NABP2: variants seen among roughly 807,000 people sequenced by gnomAD.
The protein encoded by NABP2 is SOSS complex subunit B1.
NABP2 carries 7 observed loss-of-function variants against 22.7 expected under a neutral mutation model. The observed-to-expected ratio is 0.31, with a 90% CI of 0.18 to 0.58. NABP2 has a LOEUF of 0.58. Ranked by LOEUF, NABP2 falls within the 20% of genes least tolerant of loss-of-function variation. The pLI is 0.89. For synonymous variants in NABP2, 107 were observed against 99.2 expected (o/e 1.08, Z -0.47); for missense variants, 188 against 265.9 (o/e 0.71, Z 2.04).
chr12:56,227,503 G>A (rs945553953), intron 6 of NABP2, among the ~76,000 whole-genome samples: 10 of 152,130 alleles, frequency 6.6e-5, no homozygotes, highest in Admixed American at 5.9e-4. Context: ...ACTATTTGCC[G>A]TGGAATAAAA....
chr12:56,229,177 T>A lies in NABP2; in HGVS notation c.600T>A (p.Ser200Arg), dbSNP rs772979242. Residue 200 changes from serine (S) to arginine (R), a missense_variant, in exon 7 of 7, where the codon AGT becomes AGA. Ser to Arg is a moderately radical substitution (Grantham distance 110, BLOSUM62 -1). Transcript: ENST00000267023. ...CTGGCCCTTCCAGCAACCCTGTTAG[T>A]AACGGCAAAGAAACCCGGAGGAGCA... is the stretch of plus-strand genomic sequence containing the variant. ...GPPGPSSNPV[S>R]NGKETRRSSK... is the part of the protein sequence containing the mutation. 6.2e-7 allele frequency: 1 copy of A among 1,609,258 alleles called. No homozygotes were observed. The highest frequency in any genetic ancestry group is 8.5e-7 in the Non-Finnish European group (1 of 1,178,824).
intron 1 of NABP2, 24 bp from the exon 2 acceptor site, chr12:56,224,810 C>T (rs1415324400): frequency 1.3e-6 from 2 of 1,594,184 alleles, no homozygotes; most frequent in Non-Finnish European, 1.7e-6. Flanking sequence ...AGCATTGAGC[C>T]TTCATCCTCT....
upstream of NABP2, chr12:56,223,643 T>TC (rs1167204300): frequency 6.6e-6 from 1 of 152,102 alleles, no homozygotes; most frequent in Non-Finnish European, 1.5e-5. Context: ...ATGCCACTTT[T>TC]CCCAGAGACC....
chr12:56,226,482 G>A, intron 6 of NABP2, 63 bp downstream of exon 6: 5 of 1,363,186 alleles, frequency 3.7e-6, no homozygotes, highest in Non-Finnish European at 5.1e-6. Context: ...AGCCTAGAAA[G>A]ATGCATTTCC....
chr12:56,229,742 AAAGAAAG>A lies in NABP2; in HGVS notation c.*532_*538del, dbSNP rs879732070. ...AGAGCGAAACTCCATCTCAAAAAAA[AAAGAAAG>A]AAAGAAAGAAAGAAAGAAAGAAATG... On this transcript the variant is annotated 3_prime_UTR_variant, in exon 7 of 7. Transcript: ENST00000267023. 0.068 allele frequency: 1,439 copies of A among 21,016 alleles called. 10 individuals are homozygous for A. Among genetic ancestry groups the A allele is most frequent in the Non-Finnish European group, 0.29 (837 of 2,838 alleles). The allele number at this position is 21,016 out of a possible 1,614,324, so 1.3% of individuals were successfully genotyped here.
chr12:56,226,412 C>G lies in NABP2; in HGVS notation c.429C>G (p.Ala143=), dbSNP rs771214078. Residue 143 remains alanine, a synonymous_variant, in exon 6 of 7, where the codon GCC becomes GCG. Transcript: ENST00000267023. ...AGCCTACCACTGGACCCTCTGCTGC[C>G]TCTCCAGGTAAATCTGTTCCCTTCT... ...ASQPTTGPSA[A]SPASENQNGN... 6.2e-7 allele frequency: 1 copy of G among 1,613,146 alleles called. No homozygotes were observed. The highest frequency in any genetic ancestry group is 1.1e-5 in the South Asian group (1 of 91,028).
intron 6 of NABP2, 138 bp downstream of exon 6, chr12:56,226,557 CTTTTTTTTTT>C (rs10676451): frequency 4.4e-5 from 12 of 271,922 alleles, no homozygotes; most frequent in Non-Finnish European, 6.4e-5. Context: ...TCCCAGACCC[CTTTTTTTTTT>C]TTTTTTTTTT....
At position 56,224,921 on chromosome 12, in the gene NABP2, T is replaced by C. The variant is rs1869690726; in HGVS notation, c.65T>C (p.Ile22Thr). 1 of 1,611,772 alleles carries C rather than the reference T, an allele frequency of 6.2e-7. No individual in the cohort carries two copies. Among genetic ancestry groups the C allele is most frequent in the African/African-American group, 1.3e-5 (1 of 74,790 alleles). The change falls in exon 2 of 7, where the codon ATT (isoleucine) becomes ACT (threonine). Residue 22 changes from isoleucine to threonine, a missense_variant. By Grantham distance (89) the Ile-to-Thr change is moderately conservative. Transcript: ENST00000267023. ...CTCAAGAATCTGAACCTTATCTTCATTGTGCTGGAGACAGGTGTCTATACT... is the reference window on the plus strand; with the variant it reads ...CTCAAGAATCTGAACCTTATCTTCACTGTGCTGGAGACAGGTGTCTATACT... ...PGLKNLNLIF[I>T]VLETGRVTKT...
chr12:56,226,263 G>A lies in NABP2; in HGVS notation c.372+3G>A, dbSNP rs116192550. On this transcript the variant is annotated splice_donor_region_variant and intron_variant, in intron 5 of 6. Transcript: ENST00000267023. ...CCCAGCAGGCACCCAACAAGGCGGT[G>A]AGTCCTGTGGCCACAATGGTGGGAA... 5.9e-4 allele frequency: 958 copies of A among 1,614,164 alleles called. 5 individuals are homozygous for A. In the African/African-American group the frequency reaches 0.011, roughly 19 times the overall value.
At chr12:56,222,394 G>GT (rs1162772852), upstream of NABP2, among the ~76,000 whole-genome samples, 1 of 152,202 alleles carries the variant, frequency 6.6e-6, no homozygotes, top group Non-Finnish European at 1.5e-5. Context: ...GGGGTGGGGA[G>GT]TGAGGGAGTC....
upstream of NABP2, among the ~76,000 whole-genome samples, chr12:56,222,671 A>G (rs1869551199): frequency 6.6e-6 from 1 of 152,194 alleles, no homozygotes; most frequent in Admixed American, 6.5e-5. Flanking sequence ...GTGAGCAGAT[A>G]AGGGATTAAT....
At chr12:56,224,737 C>T in intron 1 of NABP2, 97 bp from the exon 2 acceptor site, 1 of 1,144,370 alleles carries the variant, frequency 8.7e-7, no homozygotes, top group Non-Finnish European at 1.3e-6. Context: ...GTTGAGGCTG[C>T]CTGACCCCAG....
At chr12:56,227,898 T>A (rs1448073941) in intron 6 of NABP2, among the ~76,000 whole-genome samples, 1 of 152,150 alleles carries the variant, frequency 6.6e-6, no homozygotes. Flanking sequence ...TTACGTGTAA[T>A]AATCTTTTCA....
upstream of NABP2, among the ~76,000 whole-genome samples, chr12:56,224,114 C>T (rs944028385): frequency 2.0e-5 from 3 of 152,228 alleles, no homozygotes; most frequent in Admixed American, 6.5e-5. Context: ...TCTCCCTAGC[C>T]AAGTTAAGGA....
upstream of NABP2, among the ~76,000 whole-genome samples, chr12:56,223,243 G>T (rs1019888637): frequency 6.6e-6 from 1 of 152,028 alleles, no homozygotes; most frequent in Non-Finnish European, 1.5e-5. Flanking sequence ...TCCTTTGCCG[G>T]GGTGGAGCGG....
intron 6 of NABP2, among the ~76,000 whole-genome samples, chr12:56,226,707 A>T (rs1250569114): frequency 7.6e-6 from 1 of 130,858 alleles, no homozygotes; most frequent in Non-Finnish European, 1.6e-5. Flanking sequence ...CTAGGATTAC[A>T]GGCACCTGCC....
chr12:56,225,300 A>C, intron 2 of NABP2, 73 bp from the exon 3 acceptor site: 1 of 1,590,634 alleles, frequency 6.3e-7, no homozygotes, highest in African/African-American at 1.3e-5. Context: ...CAATATCCAC[A>C]TCTCATCCTT....
At chr12:56,223,878 C>A (rs1869630049), upstream of NABP2, among the ~76,000 whole-genome samples, 1 of 152,180 alleles carries the variant, frequency 6.6e-6, no homozygotes, top group Non-Finnish European at 1.5e-5. Context: ...AGGTCTGGAA[C>A]TCCTGGACTC....
At position 56,229,049 on chromosome 12, in the gene NABP2, C is replaced by A; in HGVS notation, c.472C>A (p.Pro158Thr). The stretch of plus-strand genomic sequence containing the variant: ...CCAGAATGGGAATGGACTGAGTGCC[C>A]CACCAGGTCCCGGTGGTGGCCCACA... ...ENQNGNGLSA[P>T]PGPGGGPHPP... The change falls in exon 7 of 7, where the codon CCA (proline) becomes ACA (threonine). Residue 158 changes from proline (P) to threonine (T), a missense_variant. Pro to Thr is a conservative substitution (Grantham distance 38). Coordinates refer to ENST00000267023, the MANE Select transcript of NABP2 (RefSeq NM_024068.4). 6.2e-7 allele frequency: 1 copy of A among 1,613,328 alleles called. No homozygotes were observed. The highest frequency in any genetic ancestry group is 1.7e-4 in the Middle Eastern group (1 of 6,036).
Sources: gnomAD v4.1 joint callset for allele counts (sites outside exome capture counted in the v4.1 genomes callset) on GRCh38, gnomAD v4.1.1 for gene constraint, MANE v1.5 for transcripts, NCBI Gene and HGNC (gene_info 2026-07-23, HGNC 2026-07-21) for gene names.